Variants in ZWILCH observed in about 807,000 individuals in gnomAD.
ZWILCH encodes zwilch kinetochore protein.
A neutral mutation model predicts 79.9 loss-of-function variants in ZWILCH; 74 were observed. That is an observed-to-expected ratio of 0.93 (90% CI 0.77 to 1.12). The LOEUF is 1.12. Ranked by LOEUF, ZWILCH falls within the 50% of genes most tolerant of loss-of-function variation. The pLI is 0.00. For synonymous variants in ZWILCH, 241 were observed against 228.2 expected, an observed-to-expected ratio of 1.06 and a Z score of -0.51; for missense variants, 694 against 687.5, an observed-to-expected ratio of 1.01 and a Z score of -0.11.
intron 9 of ZWILCH, 39 bp downstream of exon 9, chr15:66,527,422 CT>C: frequency 1.4e-6 from 2 of 1,448,576 alleles, no homozygotes; most frequent in Non-Finnish European, 1.9e-6. Context: ...TTTATACTTG[CT>C]ATGTTTAAAT....
At chr15:66,540,231 G>A in intron 17 of ZWILCH, 21 bp downstream of exon 17, 1 of 1,558,058 alleles carries the variant, frequency 6.4e-7, no homozygotes, top group South Asian at 1.1e-5. Context: ...TTTATAATCT[G>A]TTCAGATAAA....
At chr15:66,539,470 C>G (rs902944596) in intron 16 of ZWILCH, among the ~76,000 whole-genome samples, 19 of 151,634 alleles carry the variant, frequency 1.3e-4, no homozygotes, top group Non-Finnish European at 2.2e-4. Context: ...AATTTGTCCC[C>G]TTCTCTACAT....
chr15:66,518,745 A>G (rs1020035334), intron 4 of ZWILCH, 134 bp from the exon 5 acceptor site: 37 of 784,326 alleles, frequency 4.7e-5, no homozygotes, highest in Non-Finnish European at 7.5e-5. Context: ...AAGGAGGCCA[A>G]GGCTGTAGTG....
rs1895151481 is a variant in ZWILCH, at chr15:66,540,227, A to C, written c.1687+17A>C. On this transcript the variant is annotated intron_variant, in intron 17 of 18. Coordinates refer to ENST00000307897, the MANE Select transcript of ZWILCH (RefSeq NM_017975.5). ...ACAAACCTGGTAAAGATGGTTTATA[A>C]TCTGTTCAGATAAATAATTCCAACA... 6.4e-7 allele frequency: 1 copy of C among 1,561,012 alleles called. No individual in the cohort carries two copies. The highest frequency in any genetic ancestry group is 1.4e-5 in the African/African-American group (1 of 73,712).
rs1408672492 is a variant in ZWILCH at position 66,514,095 on chromosome 15, T to G, written c.201+12T>G. On this transcript the variant is annotated intron_variant, in intron 3 of 18. Transcript: ENST00000307897. Reference sequence around the variant, plus strand: ...TAGTGGAAAAAGTGGTAAGTACTGGTTTGACTTTGTGGTTGTTTAATTCTC... The same window carrying G: ...TAGTGGAAAAAGTGGTAAGTACTGGGTTGACTTTGTGGTTGTTTAATTCTC... 6.3e-7 allele frequency: 1 copy of G among 1,578,286 alleles called. No homozygotes were observed. Among genetic ancestry groups the G allele is most frequent in the Admixed American group, 1.9e-5 (1 of 53,890 alleles).
chr15:66,506,321 A>G (rs1345859635), intron 1 of ZWILCH, among the ~76,000 whole-genome samples: 1 of 152,102 alleles, frequency 6.6e-6, no homozygotes, highest in Non-Finnish European at 1.5e-5. Flanking sequence ...TTATAGATCT[A>G]TCTCATTGTT....
At chr15:66,508,682 T>A in intron 1 of ZWILCH, 159 bp from the exon 2 acceptor site, 1 of 1,362,948 alleles carries the variant, frequency 7.3e-7, no homozygotes. Flanking sequence ...TTTCTGCTTT[T>A]TTTCTCTCTC....
At chr15:66,539,401 C>CAAAAA (rs536047404) in intron 16 of ZWILCH, among the ~76,000 whole-genome samples, 21 of 58,030 alleles carry the variant, frequency 3.6e-4, no homozygotes, top group East Asian at 9.3e-4. Flanking sequence ...AAGACCCTGT[C>CAAAAA]AAAAAAAAAA....
chr15:66,521,484 G>A (rs1056705365), intron 7 of ZWILCH, among the ~76,000 whole-genome samples: 4 of 151,822 alleles, frequency 2.6e-5, no homozygotes, highest in East Asian at 1.9e-4. Context: ...AAGTGAATCC[G>A]TGTTTTTGTT....
intron 7 of ZWILCH, among the ~76,000 whole-genome samples, chr15:66,521,571 C>T (rs1030818507): frequency 6.6e-6 from 1 of 152,180 alleles, no homozygotes; most frequent in Non-Finnish European, 1.5e-5. Flanking sequence ...TCACTGCTCA[C>T]TGCAGCCTCG....
chr15:66,510,712 C>T (rs901913290), intron 2 of ZWILCH, among the ~76,000 whole-genome samples: 2 of 152,216 alleles, frequency 1.3e-5, no homozygotes, highest in African/African-American at 2.4e-5. Context: ...CAAGTGCATG[C>T]TCTTCCTGAA....
rs145952622 is a variant in ZWILCH at position 66,544,724 on chromosome 15, T to TTTTTTTTGTGTGTGTGTGTGTGTG, written c.1688-1866_1688-1865insTTTTTTGTGTGTGTGTGTGTGTGT. Among the ~76,000 whole-genome samples the TTTTTTTTGTGTGTGTGTGTGTGTG allele has an allele frequency of 4.7e-5, 6 of 128,542 alleles. No individual in the cohort carries two copies. In the East Asian group the frequency reaches 1.2e-3, roughly 26 times the overall value. 84.3% of individuals were successfully genotyped at this position (128,542 alleles called of 152,430 possible). A position where few individuals can be genotyped will look rare whatever the true frequency, so the allele number is the denominator to read the frequency against. ...TGTTTTTTTGTTGTTTTTTTGGTTT[T>TTTTTTTTGTGTGTGTGTGTGTGTG]TGTGTGTGTGTGTGTGTGTGTGTGT... On this transcript the variant is annotated intron_variant, in intron 17 of 18. Transcript: ENST00000307897.
At position 66,517,455 on chromosome 15, in the gene ZWILCH, T is replaced by TATATATATATATAGAGAGAGAG. The variant is rs1180456312; in HGVS notation, c.321-1423_321-1422insTATATATATATAGAGAGAGAGA. Among the ~76,000 whole-genome samples, 8 of 115,210 alleles carry TATATATATATATAGAGAGAGAG rather than the reference T, an allele frequency of 6.9e-5. No individual in the cohort carries two copies. In the East Asian group the frequency reaches 1.0e-3, roughly 15 times the overall value. The allele number at this position is 115,210 out of a possible 152,430, so 75.6% of individuals were successfully genotyped here. On this transcript the variant is annotated intron_variant, in intron 4 of 18. Transcript: ENST00000307897. The stretch of plus-strand genomic sequence containing the variant: ...GTATATATATATATATATATATATA[T>TATATATATATATAGAGAGAGAG]AGTAATGTACACACATACACCATTT...
intron 12 of ZWILCH, among the ~76,000 whole-genome samples, chr15:66,531,765 G>T (rs528900041): frequency 6.6e-6 from 1 of 151,968 alleles, no homozygotes; most frequent in Non-Finnish European, 1.5e-5. Flanking sequence ...TCCAGAAATG[G>T]CATTTGAAAA....
intron 8 of ZWILCH, among the ~76,000 whole-genome samples, chr15:66,524,112 C>T (rs1435874796): frequency 1.3e-5 from 2 of 152,032 alleles, no homozygotes; most frequent in Non-Finnish European, 2.9e-5. Flanking sequence ...TGAACATTTA[C>T]ATGCAAGTTT....
At chr15:66,508,734 C>T in intron 1 of ZWILCH, 107 bp from the exon 2 acceptor site, 9 of 1,502,708 alleles carry the variant, frequency 6.0e-6, no homozygotes, top group Admixed American at 4.7e-5. Flanking sequence ...TTGCTTTTTG[C>T]CTTTCCTATA....
At chr15:66,523,417 G>T in intron 7 of ZWILCH, 1 of 315,508 alleles carries the variant, frequency 3.2e-6, no homozygotes, top group Non-Finnish European at 5.8e-6. Flanking sequence ...TGTGTGAGGA[G>T]GGCAGTTGTT....
intron 8 of ZWILCH, among the ~76,000 whole-genome samples, chr15:66,525,475 TC>T (rs1244005468): frequency 6.6e-6 from 1 of 152,100 alleles, no homozygotes; most frequent in East Asian, 1.9e-4. Flanking sequence ...TTGCTACCCT[TC>T]CCCCCATACA....
At chr15:66,531,718 A>G (rs1894857892) in intron 12 of ZWILCH, among the ~76,000 whole-genome samples, 1 of 151,070 alleles carries the variant, frequency 6.6e-6, no homozygotes, top group Non-Finnish European at 1.5e-5. Context: ...CAGCCTCCCA[A>G]GTGCTGGAAT....
Sources: gnomAD v4.1 joint callset for allele counts (sites outside exome capture counted in the v4.1 genomes callset) on GRCh38, gnomAD v4.1.1 for gene constraint, MANE v1.5 for transcripts, NCBI Gene and HGNC (gene_info 2026-07-23, HGNC 2026-07-21) for gene names.